Variants in KCTD16 observed in about 807,000 individuals in gnomAD.
The protein encoded by KCTD16 is BTB/POZ domain-containing protein KCTD16.
In KCTD16, 13 loss-of-function variants were observed where a neutral mutation model predicts 33.2. The observed-to-expected ratio is 0.39, with a 90% CI of 0.25 to 0.62. The LOEUF (loss-of-function observed/expected upper bound fraction) is 0.62. KCTD16 is among the 20% of genes least tolerant of loss of function. KCTD16 has a pLI of 0.50. For synonymous variants in KCTD16, 197 were observed against 195.3 expected, an observed-to-expected ratio of 1.01 and a Z score of -0.07; for missense variants, 441 against 525.1, an observed-to-expected ratio of 0.84 and a Z score of 1.57.
chr5:144,328,815 C>T (rs1420318276), intron 3 of KCTD16, among the ~76,000 whole-genome samples: 5 of 151,420 alleles, frequency 3.3e-5, no homozygotes, highest in Admixed American at 6.6e-5. Flanking sequence ...AAAGCACTCT[C>T]ATTTTCCTGC....
chr5:144,444,520 G>T (rs1427450769), intron 3 of KCTD16, among the ~76,000 whole-genome samples: 5 of 151,964 alleles, frequency 3.3e-5, no homozygotes, highest in Non-Finnish European at 2.9e-5. Flanking sequence ...TTGTACGTCA[G>T]TCATGCCTCA....
At chr5:144,334,986 C>T (rs970333824) in intron 3 of KCTD16, among the ~76,000 whole-genome samples, 1 of 151,876 alleles carries the variant, frequency 6.6e-6, no homozygotes, top group Non-Finnish European at 1.5e-5. Context: ...CACTATGTTG[C>T]CCAGGCCAGT....
intron 3 of KCTD16, among the ~76,000 whole-genome samples, chr5:144,364,841 G>A (rs1417183241): frequency 6.6e-6 from 1 of 152,118 alleles, no homozygotes; most frequent in Admixed American, 6.5e-5. Context: ...CAGAAGCTCT[G>A]CAGTCATATT....
intron 3 of KCTD16, among the ~76,000 whole-genome samples, chr5:144,363,353 A>C (rs1751760532): frequency 6.6e-6 from 1 of 151,248 alleles, no homozygotes; most frequent in Admixed American, 6.6e-5. Context: ...ATTTTTTTTT[A>C]AGTGTTTTTT....
intron 3 of KCTD16, among the ~76,000 whole-genome samples, chr5:144,411,265 C>T (rs1752926568): frequency 6.6e-6 from 1 of 152,132 alleles, no homozygotes; most frequent in South Asian, 2.1e-4. Flanking sequence ...GGAGGCATCA[C>T]ACTATGTGAC....
At chr5:144,176,400 T>C (rs10054833) in intron 2 of KCTD16, among the ~76,000 whole-genome samples, 38,084 of 137,152 alleles carry the variant, frequency 0.28, 5,280 homozygotes, top group African/African-American at 0.44. Context: ...TTTTTTTTTT[T>C]TTTTTTTTTT....
intron 3 of KCTD16, among the ~76,000 whole-genome samples, chr5:144,214,689 C>T (rs1313802266): frequency 6.6e-6 from 1 of 152,168 alleles, no homozygotes; most frequent in African/African-American, 2.4e-5. Flanking sequence ...TTCAGTTTCC[C>T]AATCCAGAAG....
intron 3 of KCTD16, among the ~76,000 whole-genome samples, chr5:144,315,412 A>T (rs1751877564): frequency 6.6e-6 from 1 of 152,172 alleles, no homozygotes; most frequent in South Asian, 2.1e-4. Flanking sequence ...TATTTCTAAA[A>T]TATAAATATT....
At chr5:144,186,931 GA>G (rs1245248321) in intron 2 of KCTD16, among the ~76,000 whole-genome samples, 3 of 152,138 alleles carry the variant, frequency 2.0e-5, no homozygotes, top group Non-Finnish European at 4.4e-5. Context: ...AGGTGCTGGG[GA>G]TGGGATATAA....
At chr5:144,325,162 G>A (rs1752172937) in intron 3 of KCTD16, among the ~76,000 whole-genome samples, 1 of 152,026 alleles carries the variant, frequency 6.6e-6, no homozygotes, top group South Asian at 2.1e-4. Flanking sequence ...TCTTCCCTCT[G>A]ATTATTTGGA....
rs1005742677 is a variant in KCTD16 at position 144,341,634 on chromosome 5, A to G, written c.833-132026A>G. Among the ~76,000 whole-genome samples, 20 of 152,338 alleles carry G rather than the reference A, an allele frequency of 1.3e-4. No homozygotes were observed. The East Asian group carries it at 3.1e-3, about 24-fold the overall frequency. On this transcript the variant is annotated intron_variant, in intron 3 of 3. Transcript: ENST00000512467. Reference sequence around the variant, plus strand: ...GTTGGTTTTTGATTTTAAAAAGTAGAACCATTTGCACAAGTTCACCGATTC... The same window carrying G: ...GTTGGTTTTTGATTTTAAAAAGTAGGACCATTTGCACAAGTTCACCGATTC...
chr5:144,439,968 T>C (rs1753666550), intron 3 of KCTD16, among the ~76,000 whole-genome samples: 1 of 151,988 alleles, frequency 6.6e-6, no homozygotes, highest in African/African-American at 2.4e-5. Flanking sequence ...AAAAACATAT[T>C]TAAAAAAGCC....
intron 3 of KCTD16, among the ~76,000 whole-genome samples, chr5:144,274,473 A>AT (rs1755389239): frequency 6.6e-6 from 1 of 152,094 alleles, no homozygotes; most frequent in Non-Finnish European, 1.5e-5. Context: ...GATATATAAC[A>AT]TTTTTTCATA....
intron 3 of KCTD16, among the ~76,000 whole-genome samples, chr5:144,418,019 C>T (rs1014397120): frequency 1.1e-4 from 17 of 152,122 alleles, no homozygotes; most frequent in Non-Finnish European, 2.9e-5. Flanking sequence ...GGCTCGTAGT[C>T]TTGCTGACTT....
intron 3 of KCTD16, among the ~76,000 whole-genome samples, chr5:144,299,120 A>G (rs1469273470): frequency 5.2e-4 from 11 of 20,974 alleles, no homozygotes; most frequent in East Asian, 2.0e-3. Context: ...ATATATATAT[A>G]TATATATATA....
intron 3 of KCTD16, among the ~76,000 whole-genome samples, chr5:144,394,712 C>A (rs1752526960): frequency 6.6e-6 from 1 of 152,166 alleles, no homozygotes; most frequent in African/African-American, 2.4e-5. Flanking sequence ...TTGTAAGAAT[C>A]TGGCATTTTG....
chr5:144,293,178 C>T (rs866200939), intron 3 of KCTD16, among the ~76,000 whole-genome samples: 2 of 152,168 alleles, frequency 1.3e-5, no homozygotes, highest in South Asian at 2.1e-4. Context: ...ACTCTCCTCT[C>T]GGAAGTTTTC....
intron 3 of KCTD16, among the ~76,000 whole-genome samples, chr5:144,461,022 C>T (rs138370598): frequency 4.7e-4 from 72 of 152,268 alleles, no homozygotes; most frequent in African/African-American, 1.5e-3. Context: ...CAAGTGGGAT[C>T]TTACTTTCCA....
chr5:144,282,615 AC>A (rs1755636500), intron 3 of KCTD16, among the ~76,000 whole-genome samples: 1 of 152,170 alleles, frequency 6.6e-6, no homozygotes, highest in Non-Finnish European at 1.5e-5. Context: ...AACAACCTCC[AC>A]ACATCTGGTT....
Sources: allele counts gnomAD v4.1 joint callset (sites outside exome capture counted in the v4.1 genomes callset), GRCh38; gene constraint gnomAD v4.1.1; transcripts MANE v1.5; gene names NCBI Gene and HGNC (gene_info 2026-07-23, HGNC 2026-07-21).